DENND1C: variants seen among roughly 807,000 people sequenced by gnomAD.
DENND1C encodes the protein DENN domain-containing protein 1C.
A neutral mutation model predicts 87.9 loss-of-function variants in DENND1C; 64 were observed. The ratio of observed to expected loss-of-function variants is 0.73; its 90% CI spans 0.60 to 0.90. The LOEUF (loss-of-function observed/expected upper bound fraction) is 0.90, where lower values mean the gene tolerates loss of function less well. Among genes scored for constraint, DENND1C ranks in the 40% least tolerant of loss-of-function variants. The pLI is 0.00. For missense variants in DENND1C, 980 were observed against 1,037.0 expected (o/e 0.95, Z 0.76); for synonymous variants, 384 against 424.4 (o/e 0.90, Z 1.17).
rs760047759 is a variant in DENND1C, at chr19:6,468,858, C to A, written c.1503G>T (p.Gln501His). 3 of 1,516,020 alleles carry A rather than the reference C, an allele frequency of 2.0e-6. No individual in the cohort carries two copies. The Admixed American group carries it at 6.9e-5, about 35-fold the overall frequency. The allele number at this position is 1,516,020 out of a possible 1,614,324, so 93.9% of individuals were successfully genotyped here. Residue 501 changes from glutamine (Q) to histidine (H), a missense_variant, in exon 20 of 23, where the codon CAG (glutamine) becomes CAT (histidine). Transcript: ENST00000381480. ...GGGGCGCTCTCACCTTTCCAAAGTG[C>A]TGAGTGATTGGGAGGCGTTGCTGCA... ...DRLQQRLPIT[Q>H]HFGKNRPLRP... is the part of the protein sequence containing the mutation.
chr19:6,476,017 C>G, intron 10 of DENND1C, 80 bp from the exon 11 acceptor site: 1 of 1,273,428 alleles, frequency 7.9e-7, no homozygotes, highest in Non-Finnish European at 1.1e-6. Context: ...TTCCCACGTC[C>G]CCAGTCTCCT....
In DENND1C at chr19:6,479,319, C is replaced by CAGTCCCTG. The variant is rs200206951; in HGVS notation, c.177-271_177-264dup. 7.0e-5 allele frequency among the ~76,000 whole-genome samples: 10 copies of CAGTCCCTG among 142,766 alleles called. No homozygotes were observed. In the East Asian group the frequency reaches 9.8e-4, roughly 14 times the overall value. 93.7% of individuals were successfully genotyped at this position (142,766 alleles called of 152,430 possible). On this transcript the variant is annotated intron_variant, in intron 4 of 22. Coordinates refer to ENST00000381480, the MANE Select transcript of DENND1C (RefSeq NM_024898.4). ...TGAATCCCTAAGTCCCTGGGTTCCT[C>CAGTCCCTG]AGTCCCTGAGTCCCTGAGTCCCTGA...
chr19:6,471,729 G>A (rs1177730693), intron 15 of DENND1C, among the ~76,000 whole-genome samples: 2 of 152,014 alleles, frequency 1.3e-5, no homozygotes, highest in East Asian at 1.9e-4. Flanking sequence ...TGCAACCTCC[G>A]CTTCCCGGGT....
chr19:6,480,840 G>A (rs1913523453), intron 1 of DENND1C, among the ~76,000 whole-genome samples: 1 of 151,996 alleles, frequency 6.6e-6, no homozygotes, highest in South Asian at 2.1e-4. Context: ...CTGACCTCAG[G>A]TGATCTGCCC....
chr19:6,469,666 C>T (rs1258108764), intron 18 of DENND1C, 26 bp from the exon 19 acceptor site: 1 of 1,595,026 alleles, frequency 6.3e-7, no homozygotes, highest in Middle Eastern at 1.7e-4. Flanking sequence ...CAGAGAATTA[C>T]CCAAGGGTGG....
At chr19:6,469,355 G>A in intron 19 of DENND1C, 1 of 508,746 alleles carries the variant, frequency 2.0e-6, no homozygotes, top group Non-Finnish European at 3.5e-6. Context: ...TTTGAGACAG[G>A]GTCTCTCTGT....
chr19:6,480,594 CTA>C (rs1913506365), intron 1 of DENND1C: 1 of 392,984 alleles, frequency 2.5e-6, no homozygotes, highest in African/African-American at 2.5e-5. Flanking sequence ...ATCTATCTAT[CTA>C]TCTATCTATC....
rs771078919 is a variant in DENND1C at position 6,468,091 on chromosome 19, C to T, written c.1819G>A (p.Asp607Asn). ...GGCTCCGGCTCTGGTAGTTTCTTAT[C>T]GTCTGGTTGCCATCTTGGTATGTTG... The part of the protein sequence containing the change: ...LPNIPRWQPD[D>N]KKLPEPEPQP... The change falls in exon 23 of 23, where the codon GAT (aspartate) becomes AAT (asparagine). Residue 607 changes from aspartate to asparagine, a missense_variant. Physicochemically the swap from Asp to Asn is conservative, Grantham distance 23. Transcript: ENST00000381480. The T allele has an allele frequency of 4.9e-5, 79 of 1,613,346 alleles. No homozygotes were observed. In the East Asian group the frequency reaches 8.7e-4, roughly 18 times the overall value.
intron 10 of DENND1C, 120 bp from the exon 11 acceptor site, chr19:6,476,057 T>A: frequency 1.0e-6 from 1 of 959,104 alleles, no homozygotes; most frequent in Admixed American, 3.0e-5. Context: ...TGCTGGATAA[T>A]GAGTGACAAC....
In DENND1C at chr19:6,477,909, CA is replaced by C. The variant is rs71174916; in HGVS notation, c.367-452del. On this transcript the variant is annotated intron_variant, in intron 6 of 22. Transcript: ENST00000381480. ...TGAAAACACGTCTCTGTTAAAAGTACAAAAAAAAAAAAAAAAATTAGCCGGG... is the reference window on the plus strand; with the variant it reads ...TGAAAACACGTCTCTGTTAAAAGTACAAAAAAAAAAAAAAAATTAGCCGGG... Among the ~76,000 whole-genome samples the C allele has an allele frequency of 6.1e-3, 815 of 134,388 alleles. 8 individuals carry two copies. The highest frequency in any genetic ancestry group is 0.013 in the African/African-American group (497 of 37,490). 88.2% of individuals were successfully genotyped at this position (134,388 alleles called of 152,430 possible).
intron 10 of DENND1C, 43 bp from the exon 11 acceptor site, chr19:6,475,980 C>G (rs1272562863): frequency 6.7e-7 from 1 of 1,490,636 alleles, no homozygotes; most frequent in South Asian, 1.3e-5. Flanking sequence ...CCTGGACCCT[C>G]TAGCGCGAGG....
chr19:6,479,319 C>G (rs547324381), intron 4 of DENND1C, among the ~76,000 whole-genome samples: 192 of 142,780 alleles, frequency 1.3e-3, no homozygotes, highest in African/African-American at 5.2e-3. Context: ...CTGGGTTCCT[C>G]AGTCCCTGAG....
At chr19:6,480,078 A>G in intron 1 of DENND1C, 27 bp from the exon 2 acceptor site, 1 of 1,591,854 alleles carries the variant, frequency 6.3e-7, no homozygotes, top group South Asian at 1.1e-5. Flanking sequence ...GGGTCCAGAG[A>G]CTTGCTTCTA....
At chr19:6,468,750 T>C in intron 20 of DENND1C, 96 bp downstream of exon 20, 1 of 1,374,080 alleles carries the variant, frequency 7.3e-7, no homozygotes. Flanking sequence ...ATTTGGGGAG[T>C]TGAAGAAGGA....
intron 14 of DENND1C, among the ~76,000 whole-genome samples, chr19:6,473,553 C>T (rs2092842095): frequency 6.7e-6 from 1 of 149,692 alleles, no homozygotes; most frequent in African/African-American, 2.5e-5. Context: ...TCACTGCAAC[C>T]TCTGCCTCCT....
At chr19:6,478,409 ATT>A (rs36008668) in intron 6 of DENND1C, among the ~76,000 whole-genome samples, 5,744 of 136,070 alleles carry the variant, frequency 0.042, 371 homozygotes, top group African/African-American at 0.15. Flanking sequence ...CGGCCGGCTA[ATT>A]TTTTTTTTTT....
intron 10 of DENND1C, 53 bp downstream of exon 10, chr19:6,476,804 C>A (rs765812364): frequency 1.9e-5 from 29 of 1,547,118 alleles, no homozygotes; most frequent in East Asian, 9.1e-5. Flanking sequence ...GTCCCGCCCC[C>A]CGGGGCGGAG....
Position 6,477,467 on chromosome 19 carries a change from G to A in DENND1C, c.367-9C>T. The A allele has an allele frequency of 6.2e-7, 1 of 1,611,252 alleles. No individual in the cohort carries two copies. The highest frequency in any genetic ancestry group is 8.5e-7 in the Non-Finnish European group (1 of 1,178,514). On this transcript the variant is annotated splice_polypyrimidine_tract_variant and intron_variant, in intron 6 of 22. Transcript: ENST00000381480. The stretch of plus-strand genomic sequence containing the variant: ...TCCTCTGCCTCGGTGACCTGGGTGG[G>A]ACGTGGAGGGGCGGGGGTGGCTGAG...
At position 6,479,016 on chromosome 19, in the gene DENND1C, G is replaced by A. The variant is rs1265694439; in HGVS notation, c.217C>T (p.Leu73Phe). The A allele has an allele frequency of 1.9e-6, 3 of 1,613,964 alleles. No homozygotes were observed. The highest frequency in any genetic ancestry group is 1.7e-6 in the Non-Finnish European group (2 of 1,179,866). ...SPAVQHFTFA[L>F]TDLAGNRRFG... ...CTGCGGTTGCCGGCAAGGTCTGTGA[G>A]GGCGAAGGTGAAATGCTGCACGGCG... Residue 73 changes from leucine to phenylalanine, a missense_variant, in exon 5 of 23, where the codon CTC becomes TTC. Leu to Phe is a conservative substitution (Grantham distance 22). Transcript: ENST00000381480.
Sources: allele counts gnomAD v4.1 joint callset (sites outside exome capture counted in the v4.1 genomes callset), GRCh38; gene constraint gnomAD v4.1.1; transcripts MANE v1.5; gene names NCBI Gene and HGNC (gene_info 2026-07-23, HGNC 2026-07-21).